The following ZMYM2 variants were observed in gnomAD, a reference collection of about 807,000 sequenced individuals.
The protein encoded by ZMYM2 is zinc finger MYM-type containing 2, also known as zinc finger MYM-type protein 2.
A neutral mutation model predicts 162.8 loss-of-function variants in ZMYM2; 56 were observed. The ratio of observed to expected loss-of-function variants is 0.34; its 90% confidence interval spans 0.28 to 0.43. The LOEUF is 0.43. Ranked by LOEUF, ZMYM2 falls within the 20% of genes least tolerant of loss-of-function variation. ZMYM2 has a pLI of 1.00. For synonymous variants in ZMYM2, 510 were observed against 541.6 expected (o/e 0.94, Z 0.81); for missense variants, 1,275 against 1,621.8 (o/e 0.79, Z 3.67).
At chr13:20,058,516 C>A in intron 14 of ZMYM2, 59 bp from the exon 15 acceptor site, 9 of 1,563,228 alleles carry the variant, frequency 5.8e-6, no homozygotes, top group Non-Finnish European at 6.9e-6. Flanking sequence ...TTCATTGACA[C>A]TAGGAAGTAT....
At chr13:19,989,715 A>G (rs548065066) in intron 2 of ZMYM2, among the ~76,000 whole-genome samples, 1 of 152,338 alleles carries the variant, frequency 6.6e-6, no homozygotes, top group East Asian at 1.9e-4. Context: ...ATTATTGACT[A>G]TAGTCACCCT....
At chr13:20,004,954 G>T in intron 4 of ZMYM2, 120 bp from the exon 5 acceptor site, 1 of 690,802 alleles carries the variant, frequency 1.4e-6, no homozygotes, top group Non-Finnish European at 2.2e-6. Flanking sequence ...TGATTTATTA[G>T]ATCCAAGAAT....
At chr13:20,032,735 A>G (rs1953311651) in intron 10 of ZMYM2, among the ~76,000 whole-genome samples, 1 of 149,636 alleles carries the variant, frequency 6.7e-6, no homozygotes, top group South Asian at 2.1e-4. Context: ...CAGTTTCCCA[A>G]GTAGCTGGGA....
chr13:20,045,111 T>G (rs558758458), intron 12 of ZMYM2, among the ~76,000 whole-genome samples: 1 of 149,834 alleles, frequency 6.7e-6, no homozygotes, highest in African/African-American at 2.5e-5. Flanking sequence ...TCAAATTTGT[T>G]AAGGCCTCTA....
chr13:19,985,100 G>A (rs1949025986), intron 2 of ZMYM2, among the ~76,000 whole-genome samples: 1 of 152,122 alleles, frequency 6.6e-6, no homozygotes. Flanking sequence ...ACAAGTGAAT[G>A]TTAACCGCAA....
At chr13:20,005,354 A>C (rs536575342) in intron 5 of ZMYM2, 115 bp downstream of exon 5, 1 of 721,738 alleles carries the variant, frequency 1.4e-6, no homozygotes. Context: ...ATATATAAAG[A>C]CTATCTTATA....
chr13:20,085,978 TAAAGAC>T lies in ZMYM2; in HGVS notation c.4101_4106del (p.Lys1367_Asp1368del). The T allele has an allele frequency of 6.2e-7, 1 of 1,613,618 alleles. No individual in the cohort carries two copies. The highest frequency in any genetic ancestry group is 8.5e-7 in the Non-Finnish European group (1 of 1,179,696). On this transcript the variant is annotated inframe_deletion, in exon 25 of 25. Transcript: ENST00000610343. ...TTCTTCTAGTAAAAGATATTTATGATAAAGACAATTATGAACTGGATGAAGACACAG... is the reference window on the plus strand; with the variant it reads ...TTCTTCTAGTAAAAGATATTTATGATAATTATGAACTGGATGAAGACACAG...
the ZMYM2 span, among the ~76,000 whole-genome samples, chr13:19,878,228 T>C: frequency 2.0e-5 from 3 of 152,184 alleles, no homozygotes; most frequent in East Asian, 3.9e-4. Context: ...AATTTTTGTA[T>C]TTTTAGTAGA....
the ZMYM2 span, among the ~76,000 whole-genome samples, chr13:19,910,651 A>G: frequency 6.6e-6 from 1 of 151,302 alleles, no homozygotes; most frequent in Non-Finnish European, 1.5e-5. Flanking sequence ...CCTAGGACAC[A>G]CCTTTCATCA....
chr13:19,992,397 C>CTAAA (rs140699210), intron 2 of ZMYM2, among the ~76,000 whole-genome samples: 2,065 of 151,892 alleles, frequency 0.014, 40 homozygotes, highest in African/African-American at 0.046. Flanking sequence ...TCGTCTCTAC[C>CTAAA]TAAATAAATA....
intron 7 of ZMYM2, among the ~76,000 whole-genome samples, chr13:20,023,333 A>G (rs1295548751): frequency 2.0e-5 from 3 of 152,224 alleles, no homozygotes. Context: ...TTGCAGCAGC[A>G]GGTACATCAA....
At chr13:20,062,734 G>T (rs528660865) in intron 17 of ZMYM2, 112 bp from the exon 18 acceptor site, 78 of 1,091,224 alleles carry the variant, frequency 7.1e-5, no homozygotes, top group Non-Finnish European at 8.1e-5. Context: ...GACATTATAC[G>T]TATTTTTTTA....
chr13:20,044,367 A>G (rs259797), intron 12 of ZMYM2, among the ~76,000 whole-genome samples: 146,828 of 152,250 alleles, frequency 0.96, 71,038 homozygotes, highest in East Asian at 1. Context: ...TCAGCATATT[A>G]GGGGTCAAGA....
chr13:19,992,984 C>A, intron 2 of ZMYM2, 79 bp from the exon 3 acceptor site: 2 of 1,440,726 alleles, frequency 1.4e-6, no homozygotes, highest in South Asian at 1.5e-5. Context: ...TAAAAGTACC[C>A]TTTAAATCAA....
intron 3 of ZMYM2, among the ~76,000 whole-genome samples, chr13:19,999,299 C>T (rs745761284): frequency 6.6e-6 from 1 of 152,134 alleles, no homozygotes; most frequent in Admixed American, 6.5e-5. Context: ...AGTCTTTTGG[C>T]GCCACACTTC....
In ZMYM2 at chr13:19,980,752, CAAAAA is replaced by C. The variant is rs914320015; in HGVS notation, c.-10-12291_-10-12287del. Among the ~76,000 whole-genome samples the C allele has an allele frequency of 4.0e-3, 125 of 31,220 alleles. 1 individual carries two copies. Among genetic ancestry groups the C allele is most frequent in the African/African-American group, 0.011 (117 of 10,698 alleles). 20.5% of individuals were successfully genotyped at this position (31,220 alleles called of 152,430 possible). On this transcript the variant is annotated intron_variant, in intron 2 of 24. Transcript: ENST00000610343. ...TGGGTGACAGAGCGAGACTCCATCT[CAAAAA>C]AAAAAAAAAAAAAAAAAAAGAATTT...
intron 2 of ZMYM2, among the ~76,000 whole-genome samples, chr13:19,961,698 A>G (rs567495795): frequency 6.6e-6 from 1 of 152,202 alleles, no homozygotes; most frequent in South Asian, 2.1e-4. Context: ...ACATATGTAT[A>G]CTAACGGAAA....
intron 12 of ZMYM2, among the ~76,000 whole-genome samples, chr13:20,050,622 T>TA (rs889527095): frequency 6.6e-6 from 1 of 152,040 alleles, no homozygotes; most frequent in Non-Finnish European, 1.5e-5. Flanking sequence ...TTCGTTAAAC[T>TA]CATTGGTCAA....
chr13:20,000,882 C>G (rs1406013350), intron 3 of ZMYM2, among the ~76,000 whole-genome samples: 3 of 152,128 alleles, frequency 2.0e-5, no homozygotes, highest in Non-Finnish European at 4.4e-5. Context: ...TGGATCTAGG[C>G]AAAGTAAATT....
Sources: allele counts gnomAD v4.1 joint callset (sites outside exome capture counted in the v4.1 genomes callset), GRCh38; gene constraint gnomAD v4.1.1; transcripts MANE v1.5; gene names NCBI Gene and HGNC (gene_info 2026-07-23, HGNC 2026-07-21).